The following SCFD1 variants were observed in gnomAD, a reference collection of about 807,000 sequenced individuals.
SCFD1 encodes sec1 family domain containing 1.
Under a neutral mutation model 103.2 loss-of-function variants are expected in SCFD1, and 37 were observed. That is an observed-to-expected ratio of 0.36 (90% CI 0.28 to 0.47). The LOEUF is 0.47. SCFD1 is among the 20% of genes least tolerant of loss of function. The pLI, the probability that SCFD1 is intolerant of heterozygous loss-of-function variation, is 1.00. For synonymous variants in SCFD1, 264 were observed against 245.0 expected, an observed-to-expected ratio of 1.08 and a Z score of -0.73; for missense variants, 639 against 761.2, an observed-to-expected ratio of 0.84 and a Z score of 1.89.
rs1224325830 is a variant in SCFD1 at position 30,670,240 on chromosome 14, G to A, written c.856-16G>A. On this transcript the variant is annotated splice_polypyrimidine_tract_variant and intron_variant, in intron 10 of 24. Transcript: ENST00000458591. ...CTTAGAAAACAGTTGTTTAACACAA[G>A]ATTACTTTTTCCTAGGATTTCCATT... is the stretch of plus-strand genomic sequence containing the variant. 35 of 1,562,544 alleles carry A rather than the reference G, an allele frequency of 2.2e-5. No individual in the cohort carries two copies. Among genetic ancestry groups the A allele is most frequent in the Non-Finnish European group, 2.9e-5 (33 of 1,156,504 alleles).
chr14:30,715,775 G>T, intron 19 of SCFD1, 149 bp from the exon 20 acceptor site: 1 of 541,710 alleles, frequency 1.8e-6, no homozygotes. Flanking sequence ...TTACATCTTT[G>T]ACATCACCTT....
chr14:30,631,648 T>C lies in SCFD1; in HGVS notation c.221+1083T>C, dbSNP rs376310163. On this transcript the variant is annotated intron_variant, in intron 3 of 24. Coordinates refer to ENST00000458591, the MANE Select transcript of SCFD1 (RefSeq NM_016106.4). ...ATGACTGTTAATCACCATAGTGGGCTATCTGTGTTGTCTTAACTGTTAAGT... is the reference window on the plus strand; with the variant it reads ...ATGACTGTTAATCACCATAGTGGGCCATCTGTGTTGTCTTAACTGTTAAGT... 2.2e-4 allele frequency among the ~76,000 whole-genome samples: 33 copies of C among 152,330 alleles called. No individual in the cohort carries two copies. The East Asian group carries it at 2.3e-3, about 11-fold the overall frequency.
intron 9 of SCFD1, 64 bp downstream of exon 9, chr14:30,650,714 T>C (rs1886322709): frequency 5.2e-6 from 5 of 967,356 alleles, no homozygotes; most frequent in Non-Finnish European, 8.0e-6. Flanking sequence ...TTTGTTACTT[T>C]TCTTGGCTGA....
In SCFD1 at chr14:30,638,224, A is replaced by G. The variant is rs747293968; in HGVS notation, c.412A>G (p.Ser138Gly). 2.5e-6 allele frequency: 4 copies of G among 1,613,032 alleles called. No homozygotes were observed. The highest frequency in any genetic ancestry group is 3.4e-6 in the Non-Finnish European group (4 of 1,179,508). Reference sequence around the variant, plus strand: ...TATTGCAAATGCAGCGTTAGCAGCTAGTGCAGTAACACAAGTAGCCAAGGT... The same window carrying G: ...TATTGCAAATGCAGCGTTAGCAGCTGGTGCAGTAACACAAGTAGCCAAGGT... ...EDIANAALAA[S>G]AVTQVAKVFD... The change falls in exon 5 of 25, where the codon AGT (serine) becomes GGT (glycine). Residue 138 changes from serine (S) to glycine (G), a missense_variant. By Grantham distance (56) the Ser-to-Gly change is moderately conservative. Transcript: ENST00000458591.
At chr14:30,690,801 G>T (rs946227275) in intron 14 of SCFD1, among the ~76,000 whole-genome samples, 2 of 152,116 alleles carry the variant, frequency 1.3e-5, no homozygotes, top group South Asian at 4.1e-4. Flanking sequence ...GCTGTAGACC[G>T]GAGCTGTTCC....
chr14:30,640,232 A>G (rs1426591084), intron 6 of SCFD1, among the ~76,000 whole-genome samples: 1 of 152,192 alleles, frequency 6.6e-6, no homozygotes, highest in African/African-American at 2.4e-5. Flanking sequence ...CTCTGTGCTT[A>G]TAAAACACTG....
chr14:30,724,820 T>C (rs1159920326), intron 23 of SCFD1, among the ~76,000 whole-genome samples: 2 of 152,182 alleles, frequency 1.3e-5, no homozygotes, highest in Non-Finnish European at 2.9e-5. Context: ...TAGTTTTGGG[T>C]TTAACATTTG....
chr14:30,682,960 G>A, intron 14 of SCFD1: 2 of 594,900 alleles, frequency 3.4e-6, no homozygotes. Context: ...TCATGATACA[G>A]AGTCTATACA....
At chr14:30,693,506 G>A (rs552526114) in intron 14 of SCFD1, among the ~76,000 whole-genome samples, 1 of 152,246 alleles carries the variant, frequency 6.6e-6, no homozygotes, top group African/African-American at 2.4e-5. Flanking sequence ...GTTGCTCCAT[G>A]TATCAAATTC....
intron 10 of SCFD1, among the ~76,000 whole-genome samples, chr14:30,663,520 T>G (rs1887632179): frequency 6.6e-6 from 1 of 152,206 alleles, no homozygotes; most frequent in Non-Finnish European, 1.5e-5. Context: ...TAAAGTCACT[T>G]TCTTGCCCTA....
chr14:30,708,557 GACTTT>G (rs889591367), intron 19 of SCFD1, among the ~76,000 whole-genome samples: 6 of 152,014 alleles, frequency 3.9e-5, no homozygotes, highest in Non-Finnish European at 5.9e-5. Flanking sequence ...TTTGGATTTG[GACTTT>G]ACTTACATTT....
intron 23 of SCFD1, among the ~76,000 whole-genome samples, chr14:30,725,314 G>A: frequency 6.6e-6 from 1 of 152,184 alleles, no homozygotes; most frequent in East Asian, 1.9e-4. Flanking sequence ...TCCTATCCAT[G>A]AGCATGGAAT....
intron 10 of SCFD1, among the ~76,000 whole-genome samples, chr14:30,660,026 A>G (rs989304377): frequency 6.6e-6 from 1 of 152,186 alleles, no homozygotes; most frequent in Non-Finnish European, 1.5e-5. Flanking sequence ...AATTTTACGC[A>G]ACAAAATTAA....
At chr14:30,659,651 A>G (rs1266518456) in intron 10 of SCFD1, among the ~76,000 whole-genome samples, 2 of 152,158 alleles carry the variant, frequency 1.3e-5, no homozygotes, top group African/African-American at 4.8e-5. Flanking sequence ...AAAAATGAAC[A>G]AGCTTCCCAA....
intron 7 of SCFD1, 85 bp from the exon 8 acceptor site, chr14:30,649,443 C>T (rs1376810818): frequency 1.3e-6 from 1 of 789,456 alleles, no homozygotes; most frequent in African/African-American, 1.8e-5. Flanking sequence ...TCTATCACAT[C>T]TGTTATTTTT....
chr14:30,713,103 A>T (rs1306562521), intron 19 of SCFD1, among the ~76,000 whole-genome samples: 1 of 152,144 alleles, frequency 6.6e-6, no homozygotes, highest in Non-Finnish European at 1.5e-5. Flanking sequence ...TAAATATATA[A>T]TTGATTTTTT....
intron 17 of SCFD1, among the ~76,000 whole-genome samples, chr14:30,703,632 G>A (rs1214306692): frequency 6.8e-6 from 1 of 147,872 alleles, no homozygotes; most frequent in Non-Finnish European, 1.5e-5. Flanking sequence ...TTAAAAAAAA[G>A]CATAACAAGA....
intron 23 of SCFD1, among the ~76,000 whole-genome samples, chr14:30,727,842 G>T (rs761903132): frequency 6.6e-6 from 1 of 152,054 alleles, no homozygotes; most frequent in Non-Finnish European, 1.5e-5. Flanking sequence ...GTCACATGAT[G>T]TTGAGGTGGA....
chr14:30,647,792 A>G (rs1423820289), intron 7 of SCFD1, among the ~76,000 whole-genome samples: 1 of 152,084 alleles, frequency 6.6e-6, no homozygotes, highest in Non-Finnish European at 1.5e-5. Context: ...CTGGGATTAT[A>G]GGCATGCTCT....
Sources: gnomAD v4.1 joint callset for allele counts (sites outside exome capture counted in the v4.1 genomes callset) on GRCh38, gnomAD v4.1.1 for gene constraint, MANE v1.5 for transcripts, NCBI Gene and HGNC (gene_info 2026-07-23, HGNC 2026-07-21) for gene names.